PDE4D: variants seen among roughly 807,000 people sequenced by gnomAD.
PDE4D encodes phosphodiesterase 4D.
In PDE4D, 24 loss-of-function variants were observed where a neutral mutation model predicts 87.4. That is an observed-to-expected ratio of 0.27 (90% CI 0.20 to 0.39). PDE4D has a LOEUF of 0.39. Ranked by LOEUF, PDE4D falls within the 10% of genes least tolerant of loss-of-function variation. PDE4D has a pLI of 1.00. For synonymous variants in PDE4D, 384 were observed against 383.2 expected (o/e 1.00, Z -0.02); for missense variants, 714 against 1,041.0 (o/e 0.69, Z 4.32).
At chr5:60,346,720 A>T (rs1474550676) in intron 1 of PDE4D, among the ~76,000 whole-genome samples, 1 of 152,174 alleles carries the variant, frequency 6.6e-6, no homozygotes, top group Non-Finnish European at 1.5e-5. Flanking sequence ...TATATCTATA[A>T]AATAGAGTCT....
chr5:60,409,952 C>T lies in PDE4D; in HGVS notation c.-90+77990G>A, dbSNP rs146525639. Among the ~76,000 whole-genome samples, 602 of 152,158 alleles carry T rather than the reference C, an allele frequency of 4.0e-3. 3 individuals carry two copies. The highest frequency in any genetic ancestry group is 0.014 in the African/African-American group (581 of 41,514). ...AGACTCTTGTGTGGATAGAGGAGAG[C>T]CCGAGGGATGAAGGATTTCTGCCCC... On this transcript the variant is annotated intron_variant, in intron 1 of 16. Coordinates refer to the PDE4D transcript ENST00000502484.
At chr5:59,482,156 G>A (rs975787307) in intron 1 of PDE4D, among the ~76,000 whole-genome samples, 2 of 152,032 alleles carry the variant, frequency 1.3e-5, no homozygotes, top group Non-Finnish European at 2.9e-5. Flanking sequence ...ACCCTCTCCA[G>A]CTTGTGAATT....
In PDE4D at chr5:59,065,067, T is replaced by TATAC. The variant is rs764430366; in HGVS notation, c.809-26097_809-26096insGTAT. Among the ~76,000 whole-genome samples, 701 of 89,110 alleles carry TATAC rather than the reference T, an allele frequency of 7.9e-3. 2 individuals carry two copies. Among genetic ancestry groups the TATAC allele is most frequent in the Middle Eastern group, 0.016 (2 of 122 alleles). 58.5% of individuals were successfully genotyped at this position (89,110 alleles called of 152,430 possible). On this transcript the variant is annotated intron_variant, in intron 5 of 14. Coordinates refer to ENST00000340635, the MANE Select transcript of PDE4D (RefSeq NM_001104631.2). Reference sequence around the variant, plus strand: ...GGACAAAGGAAATGTGATATATATATACACACACACACACACACACACACA... The same window carrying TATAC: ...GGACAAAGGAAATGTGATATATATATATACACACACACACACACACACACACACA...
At chr5:59,027,176 A>G (rs1291294245) in intron 6 of PDE4D, among the ~76,000 whole-genome samples, 3 of 152,232 alleles carry the variant, frequency 2.0e-5, no homozygotes, top group South Asian at 2.1e-4. Flanking sequence ...ATATCCCTCA[A>G]CTGAGATCTG....
At chr5:60,321,097 A>G (rs1756220526) in intron 1 of PDE4D, among the ~76,000 whole-genome samples, 1 of 152,252 alleles carries the variant, frequency 6.6e-6, no homozygotes, top group Admixed American at 6.5e-5. Flanking sequence ...TAGCTAAGGT[A>G]ATCCTCAGCA....
At chr5:60,434,201 G>C (rs995265816) in intron 1 of PDE4D, among the ~76,000 whole-genome samples, 3 of 152,114 alleles carry the variant, frequency 2.0e-5, no homozygotes, top group African/African-American at 4.8e-5. Context: ...CAGACAAGAG[G>C]TTAAGGCTTA....
At chr5:59,602,462 C>T (rs772449252) in intron 1 of PDE4D, among the ~76,000 whole-genome samples, 70 of 151,880 alleles carry the variant, frequency 4.6e-4, no homozygotes, top group African/African-American at 1.5e-3. Flanking sequence ...ACACTAGCAG[C>T]GAACTATCTG....
At chr5:59,793,118 C>T (rs892124389) in intron 1 of PDE4D, among the ~76,000 whole-genome samples, 3 of 152,090 alleles carry the variant, frequency 2.0e-5, no homozygotes, top group African/African-American at 7.2e-5. Context: ...CAGGAGTCCC[C>T]GAGGAGCCTG....
chr5:59,551,570 C>A (rs946189657), intron 1 of PDE4D, among the ~76,000 whole-genome samples: 1 of 151,506 alleles, frequency 6.6e-6, no homozygotes, highest in Non-Finnish European at 1.5e-5. Flanking sequence ...TTTGAGCCAC[C>A]GTCCTAATTC....
At chr5:59,406,887 A>C (rs891835812) in intron 1 of PDE4D, among the ~76,000 whole-genome samples, 1 of 151,994 alleles carries the variant, frequency 6.6e-6, no homozygotes. Context: ...TTTTATATCA[A>C]CCTAATCATC....
At chr5:60,328,549 T>C (rs1757015737) in intron 1 of PDE4D, among the ~76,000 whole-genome samples, 2 of 152,250 alleles carry the variant, frequency 1.3e-5, no homozygotes, top group South Asian at 4.1e-4. Context: ...TATGGCAGTT[T>C]AGGTATGCAT....
At chr5:60,393,573 C>T (rs1583614985) in intron 1 of PDE4D, among the ~76,000 whole-genome samples, 1 of 152,244 alleles carries the variant, frequency 6.6e-6, no homozygotes, top group South Asian at 2.1e-4. Context: ...ACTTAAAATA[C>T]TCTTCAATTT....
intron 3 of PDE4D, among the ~76,000 whole-genome samples, chr5:59,969,832 C>T (rs1247075165): frequency 6.6e-6 from 1 of 152,136 alleles, no homozygotes; most frequent in Non-Finnish European, 1.5e-5. Flanking sequence ...TGAGGCCTCC[C>T]CAGCCATGCT....
chr5:59,415,568 A>G (rs909378941), intron 1 of PDE4D, among the ~76,000 whole-genome samples: 13 of 152,222 alleles, frequency 8.5e-5, no homozygotes, highest in Non-Finnish European at 1.2e-4. Flanking sequence ...ATAATACTAT[A>G]TTTGGAACAA....
chr5:60,117,623 C>A lies in PDE4D; in HGVS notation c.42+67934G>T, dbSNP rs376651380. 7.9e-5 allele frequency among the ~76,000 whole-genome samples: 12 copies of A among 152,054 alleles called. No individual in the cohort carries two copies. In the East Asian group the frequency reaches 2.3e-3, roughly 29 times the overall value. On this transcript the variant is annotated intron_variant, in intron 2 of 16. Transcript: ENST00000502484. ...TGATTTATATTAACTCTAAAGAGAC[C>A]CTGATCCCACAACACATGATCCATC...
At chr5:59,417,258 G>C (rs936424068) in intron 1 of PDE4D, among the ~76,000 whole-genome samples, 1 of 152,048 alleles carries the variant, frequency 6.6e-6, no homozygotes, top group Non-Finnish European at 1.5e-5. Flanking sequence ...TTATAGCAAT[G>C]AGGTGCTCAC....
chr5:59,016,765 T>C (rs894207960), intron 6 of PDE4D, among the ~76,000 whole-genome samples: 1 of 152,166 alleles, frequency 6.6e-6, no homozygotes, highest in Non-Finnish European at 1.5e-5. Context: ...TTTTTTAGAA[T>C]GGTTATTCAC....
chr5:59,868,024 T>C (rs1404594681), intron 1 of PDE4D, among the ~76,000 whole-genome samples: 1 of 152,150 alleles, frequency 6.6e-6, no homozygotes, highest in African/African-American at 2.4e-5. Flanking sequence ...AATCAATTGA[T>C]CTTTTAGAAA....
chr5:60,129,379 A>T (rs1276855296), intron 2 of PDE4D, among the ~76,000 whole-genome samples: 1 of 152,202 alleles, frequency 6.6e-6, no homozygotes, highest in East Asian at 1.9e-4. Context: ...AAGAGGCAGG[A>T]AAAAAGAAAT....
Sources: gnomAD v4.1 joint callset for allele counts (sites outside exome capture counted in the v4.1 genomes callset) on GRCh38, gnomAD v4.1.1 for gene constraint, MANE v1.5 for transcripts, NCBI Gene and HGNC (gene_info 2026-07-23, HGNC 2026-07-21) for gene names.